Variants in DACT3 observed in about 807,000 individuals in gnomAD.
DACT3 encodes the protein dishevelled binding antagonist of beta catenin 3, also known as dapper homolog 3.
A neutral mutation model predicts 19.6 loss-of-function variants in DACT3; 5 were observed. The ratio of observed to expected loss-of-function variants is 0.26; its 90% CI spans 0.13 to 0.54. The LOEUF (loss-of-function observed/expected upper bound fraction) is 0.54. Ranked by LOEUF, DACT3 falls within the 20% of genes least tolerant of loss-of-function variation. The pLI, the probability that DACT3 is intolerant of heterozygous loss-of-function variation, is 0.95. For synonymous variants in DACT3, 454 were observed against 428.1 expected (o/e 1.06, Z -0.75); for missense variants, 908 against 927.4 (o/e 0.98, Z 0.27).
chr19:46,649,299 T>C lies in DACT3; in HGVS notation c.1073A>G (p.Gln358Arg). The change falls in exon 4 of 4, where the codon CAG becomes CGG. Residue 358 changes from glutamine (Q) to arginine (R), a missense_variant. Physicochemically the swap from Gln to Arg is conservative, Grantham distance 43 (BLOSUM62 1). Coordinates refer to ENST00000391916, the MANE Select transcript of DACT3 (RefSeq NM_145056.3). ...SPAEGRLVKAQYIPGAQAATR... is the reference protein window; with the variant it reads ...SPAEGRLVKARYIPGAQAATR... ...GGCCGCCTGCGCGCCCGGGATGTAC[T>C]GCGCCTTCACCAAGCGGCCCTCAGC... The C allele has an allele frequency of 8.1e-7, 1 of 1,227,770 alleles. No homozygotes were observed. The highest frequency in any genetic ancestry group is 1.0e-6 in the Non-Finnish European group (1 of 983,208). The allele number at this position is 1,227,770 out of a possible 1,614,324, so 76.1% of individuals were successfully genotyped here.
chr19:46,654,048 A>G (rs2053011727), intron 1 of DACT3: 1 of 985,400 alleles, frequency 1.0e-6, no homozygotes, highest in Non-Finnish European at 1.2e-6. Flanking sequence ...CCTCCTAGAC[A>G]GTCCTGTGAG....
In DACT3 at chr19:46,654,141, C is replaced by A. The variant is rs1039288363; in HGVS notation, c.250-1066G>T. The A allele has an allele frequency of 2.7e-5, 27 of 985,258 alleles. No homozygotes were observed. In the African/African-American group the frequency reaches 4.4e-4, roughly 16 times the overall value. The allele number at this position is 985,258 out of a possible 1,614,324, so 61.0% of individuals were successfully genotyped here. A position where few individuals can be genotyped will look rare whatever the true frequency, so the allele number is the denominator to read the frequency against. On this transcript the variant is annotated intron_variant, in intron 1 of 3. Transcript: ENST00000391916. The stretch of plus-strand genomic sequence containing the variant: ...ACATCCTCCTTCTGCCTTTGGTCCA[C>A]TCCCACCAGGAAGCTCCAGTGAGTC...
intron 1 of DACT3, chr19:46,659,174 T>C (rs1599794317): frequency 1.0e-6 from 1 of 984,590 alleles, no homozygotes; most frequent in East Asian, 1.1e-4. Context: ...TCTCTGCTCC[T>C]CCTCCTCCCC....
At position 46,648,781 on chromosome 19, in the gene DACT3, G is replaced by A. The variant is rs1327940037; in HGVS notation, c.1591C>T (p.Pro531Ser). Residue 531 changes from proline (P) to serine (S), a missense_variant, in exon 4 of 4, where the codon CCC (proline) becomes TCC (serine). By Grantham distance (74) the Pro-to-Ser change is moderately conservative (BLOSUM62 -1). Transcript: ENST00000391916. This position sits in a 1 kb window ranked among gnomAD's most constrained non-coding sequence, Gnocchi z 5.1. Reference protein sequence around the residue: ...DSECSAGRLGPLGRRGPAGGV... With the variant: ...DSECSAGRLGSLGRRGPAGGV... ...CCCGCAGGCCCCCGGCGTCCCAGGG[G>A]CCCCAGGCGCCCAGCCGAGCACTCG... 4 of 1,547,344 alleles carry A rather than the reference G, an allele frequency of 2.6e-6. No homozygotes were observed. Among genetic ancestry groups the A allele is most frequent in the East Asian group, 2.4e-5 (1 of 41,542 alleles).
intron 1 of DACT3, among the ~76,000 whole-genome samples, chr19:46,657,346 C>CTTT (rs71177239): frequency 1.9e-3 from 134 of 69,416 alleles, no homozygotes; most frequent in African/African-American, 3.1e-3. Context: ...AAATGAGTTT[C>CTTT]TTTTTTTTTT....
In DACT3 at chr19:46,648,764, C is replaced by G. The variant is rs758372814; in HGVS notation, c.1608G>C (p.Gly536=). ...AGRLGPLGRR[G]PAGGVGGGYG... ...AACCCCCGCCGACGCCTCCCGCAGG[C>G]CCCCGGCGTCCCAGGGGCCCCAGGC... The change falls in exon 4 of 4, where the codon GGG becomes GGC. Residue 536 remains glycine (G), a synonymous_variant. Coordinates refer to ENST00000391916, the MANE Select transcript of DACT3 (RefSeq NM_145056.3). This position sits in a 1 kb window ranked among gnomAD's most constrained non-coding sequence, Gnocchi z 5.1. 1 of 1,561,056 alleles carries G rather than the reference C, an allele frequency of 6.4e-7. No homozygotes were observed. Among genetic ancestry groups the G allele is most frequent in the East Asian group, 2.4e-5 (1 of 42,526 alleles).
At position 46,660,130 on chromosome 19, in the gene DACT3, A is replaced by AG. The variant is rs1459976625; in HGVS notation, c.249+685dup. On this transcript the variant is annotated intron_variant, in intron 1 of 3. Transcript: ENST00000391916. The surrounding 1 kb of genome is among the most constrained non-coding windows in gnomAD (Gnocchi z 4.9). ...CACCCAGAGTCCAGAAGTCTCCCCC[A>AG]GGCGCTGCCTCGACCTGCCTCCCCT... is the stretch of plus-strand genomic sequence containing the variant. Among the ~76,000 whole-genome samples, 1 of 152,148 alleles carries AG rather than the reference A, an allele frequency of 6.6e-6. No individual in the cohort carries two copies. The highest frequency in any genetic ancestry group is 6.5e-5 in the Admixed American group (1 of 15,274).
rs1191508362 is a variant in DACT3 at position 46,649,275 on chromosome 19, G to A, written c.1097C>T (p.Ala366Val). The change falls in exon 4 of 4, where the codon GCC (alanine) becomes GTC (valine). Residue 366 changes from alanine to valine, a missense_variant. Coordinates refer to ENST00000391916, the MANE Select transcript of DACT3 (RefSeq NM_145056.3). ...KAQYIPGAQA[A>V]TRGLPGRAAR... is the part of the protein sequence containing the mutation. Reference sequence around the variant, plus strand: ...GGCGCGGCCAGGGAGGCCTCGGGTGGCCGCCTGCGCGCCCGGGATGTACTG... The same window carrying A: ...GGCGCGGCCAGGGAGGCCTCGGGTGACCGCCTGCGCGCCCGGGATGTACTG... The A allele has an allele frequency of 1.7e-6, 2 of 1,209,368 alleles. No homozygotes were observed. Among genetic ancestry groups the A allele is most frequent in the Non-Finnish European group, 2.1e-6 (2 of 974,424 alleles). The allele number at this position is 1,209,368 out of a possible 1,614,324, so 74.9% of individuals were successfully genotyped here.
At position 46,660,300 on chromosome 19, in the gene DACT3, AC is replaced by A; in HGVS notation, c.249+515del. 1 of 151,750 alleles carries A rather than the reference AC, an allele frequency of 6.6e-6. No homozygotes were observed. The highest frequency in any genetic ancestry group is 1.5e-5 in the Non-Finnish European group (1 of 68,042). The allele number at this position is 151,750 out of a possible 1,614,324, so 9.4% of individuals were successfully genotyped here. On this transcript the variant is annotated intron_variant, in intron 1 of 3. Coordinates refer to ENST00000391916, the MANE Select transcript of DACT3 (RefSeq NM_145056.3). The surrounding 1 kb of genome is among the most constrained non-coding windows in gnomAD (Gnocchi z 4.9). ...GAGGCCCTGAGATTCCCCTCCTCCC[AC>A]CCCGCCCCCTCCAGAGATCTCCAAG...
rs191904409 is a variant in DACT3 at position 46,658,782 on chromosome 19, G to A, written c.249+2034C>T. Among the ~76,000 whole-genome samples the A allele has an allele frequency of 3.1e-4, 47 of 152,028 alleles. 1 individual carries two copies. The East Asian group carries it at 4.4e-3, about 14-fold the overall frequency. On this transcript the variant is annotated intron_variant, in intron 1 of 3. Transcript: ENST00000391916. ...TCCCTTACCTTGTTTCTCCCCTCAC[G>A]TGCCCCTCGTTGGTATCCAGTGCCC... is the stretch of plus-strand genomic sequence containing the variant.
intron 1 of DACT3, among the ~76,000 whole-genome samples, chr19:46,657,511 G>T (rs888314107): frequency 6.6e-6 from 1 of 151,144 alleles, no homozygotes; most frequent in African/African-American, 2.4e-5. Flanking sequence ...CCGCCACCAC[G>T]CCCAGCTAAT....
chr19:46,652,610 CTCCTACTG>C (rs1194939409), intron 3 of DACT3, 42 bp downstream of exon 3: 1 of 1,534,010 alleles, frequency 6.5e-7, no homozygotes, highest in Non-Finnish European at 8.8e-7. Flanking sequence ...CACAACCATC[CTCCTACTG>C]TCCTTTCCCT....
chr19:46,649,342 A>T lies in DACT3; in HGVS notation c.1030T>A (p.Ser344Thr). ...CCCTCAGCCGGGCTGTCGGGGGGTG[A>T]GGGGGCGGCGGGCGGCGCAGCGGGC... is the stretch of plus-strand genomic sequence containing the variant. Reference protein sequence around the residue: ...PEPAAPPAAPSPPDSPAEGRL... With the variant: ...PEPAAPPAAPTPPDSPAEGRL... The change falls in exon 4 of 4, where the codon TCA becomes ACA. Residue 344 changes from serine (S) to threonine (T), a missense_variant. Around this residue, in one of 2 missense-constraint regions of DACT3, gnomAD observed 656 missense variants for 601.8 expected, o/e 1.09. Transcript: ENST00000391916. The T allele has an allele frequency of 8.2e-7, 1 of 1,226,292 alleles. No homozygotes were observed. The allele number at this position is 1,226,292 out of a possible 1,614,324, so 76.0% of individuals were successfully genotyped here. A position where few individuals can be genotyped will look rare whatever the true frequency, so the allele number is the denominator to read the frequency against.
At chr19:46,659,399 A>ACACAGCTACC (rs2053057324) in intron 1 of DACT3, 1 of 980,266 alleles carries the variant, frequency 1.0e-6, no homozygotes, top group Non-Finnish European at 1.2e-6. Flanking sequence ...GGGGGAGAGG[A>ACACAGCTACC]CACAGCTACC....
At chr19:46,651,227 C>T (rs146335962) in intron 3 of DACT3, 14,840 of 152,080 alleles carry the variant, frequency 0.098, 910 homozygotes, top group Admixed American at 0.14. Context: ...GGATTACAGG[C>T]ACGCGCCACC....
At chr19:46,658,080 A>C (rs911860448) in intron 1 of DACT3, among the ~76,000 whole-genome samples, 2 of 151,926 alleles carry the variant, frequency 1.3e-5, no homozygotes, top group African/African-American at 4.9e-5. Context: ...GTGACAGAGC[A>C]AGATTCTGTC....
At chr19:46,659,826 G>A (rs1218071748) in intron 1 of DACT3, among the ~76,000 whole-genome samples, 1 of 152,156 alleles carries the variant, frequency 6.6e-6, no homozygotes, top group Non-Finnish European at 1.5e-5. Flanking sequence ...AAGACAGACT[G>A]AGCCTGGGAC....
At chr19:46,653,869 CCTTCTTT>C (rs2053010251) in intron 1 of DACT3, among the ~76,000 whole-genome samples, 1 of 152,086 alleles carries the variant, frequency 6.6e-6, no homozygotes, top group Non-Finnish European at 1.5e-5. Flanking sequence ...CCGTCTTTGA[CCTTCTTT>C]CTCAGATACG....
At position 46,660,184 on chromosome 19, in the gene DACT3, G is replaced by A. The variant is rs1340383767; in HGVS notation, c.249+632C>T. Among the ~76,000 whole-genome samples the A allele has an allele frequency of 1.3e-5, 2 of 152,220 alleles. No individual in the cohort carries two copies. Among genetic ancestry groups the A allele is most frequent in the Non-Finnish European group, 2.9e-5 (2 of 68,026 alleles). On this transcript the variant is annotated intron_variant, in intron 1 of 3. Transcript: ENST00000391916. The surrounding 1 kb of genome is among the most constrained non-coding windows in gnomAD (Gnocchi z 4.9). ...GTCAAGGAGAGCTGGGGCCAGGTAG[G>A]AAGCAGGGGAAGTGTCACCAAAGGG...
Sources: allele counts gnomAD v4.1 joint callset (sites outside exome capture counted in the v4.1 genomes callset), GRCh38; gene constraint gnomAD v4.1.1; regional missense constraint gnomAD v4.1.1; non-coding constraint Gnocchi (gnomAD v3.1); transcripts MANE v1.5; gene names NCBI Gene and HGNC (gene_info 2026-07-23, HGNC 2026-07-21).